Variants in NEB observed in about 807,000 individuals in gnomAD.
NEB encodes the protein nemaline myopathy type 2.
NEB carries 512 observed loss-of-function variants against 952.2 expected under a neutral mutation model. That is an observed-to-expected ratio of 0.54 (90% CI 0.50 to 0.58). NEB has a LOEUF of 0.58. Ranked by LOEUF, NEB falls within the 20% of genes least tolerant of loss-of-function variation. The probability of loss-of-function intolerance (pLI) is 0.00; values close to 1 mark genes in which losing one functional copy is unlikely to be tolerated. For synonymous variants in NEB, 2,900 were observed against 3,149.8 expected (o/e 0.92, Z 2.66); for missense variants, 8,428 against 9,231.1 (o/e 0.91, Z 3.56).
At chr2:151,696,791 G>A (rs2149338483) in intron 16 of NEB, 56 bp from the exon 17 acceptor site, 1 of 1,320,052 alleles carries the variant, frequency 7.6e-7, no homozygotes, top group Middle Eastern at 1.8e-4. Flanking sequence ...ATCCAAGGTG[G>A]CCCACAGGCC....
Position 151,505,500 on chromosome 2 carries a change from T to C in NEB, c.23720A>G (p.Glu7907Gly). Residue 7907 changes from glutamate (E) to glycine (G), a missense_variant, in exon 165 of 182, where the codon GAG becomes GGG. By Grantham distance (98) the Glu-to-Gly change is moderately conservative (BLOSUM62 -2). This residue lies in a region of NEB where 3,374 missense variants were observed against 3,651.5 expected (regional missense o/e 0.92). Transcript: ENST00000397345. ...TACCGAGCTAATGTGCTTCTGCGTC[T>C]CCTTCACACGTTTCACTTCAGGCAG... ...PDLPEVKRVKETQKHISSVMY... is the reference protein window; with the variant it reads ...PDLPEVKRVKGTQKHISSVMY... 6.2e-7 allele frequency: 1 copy of C among 1,613,846 alleles called. No individual in the cohort carries two copies. The highest frequency in any genetic ancestry group is 1.1e-5 in the South Asian group (1 of 91,066).
intron 16 of NEB, 135 bp from the exon 17 acceptor site, chr2:151,696,870 C>G: frequency 5.9e-6 from 4 of 682,830 alleles, no homozygotes; most frequent in Non-Finnish European, 9.9e-6. Flanking sequence ...TTTTTTCTAA[C>G]TAGACTGTAG....
At position 151,503,331 on chromosome 2, in the gene NEB, T is replaced by C. The variant is rs1336763386; in HGVS notation, c.23835+18A>G. On this transcript the variant is annotated intron_variant, in intron 166 of 181. Transcript: ENST00000397345. Reference sequence around the variant, plus strand: ...TTTTTATGGGAAATAGTTTCTTATATGATATATTTGTAAATACCGAGCTAA... The same window carrying C: ...TTTTTATGGGAAATAGTTTCTTATACGATATATTTGTAAATACCGAGCTAA... 6.5e-7 allele frequency: 1 copy of C among 1,544,726 alleles called. No homozygotes were observed. Among genetic ancestry groups the C allele is most frequent in the African/African-American group, 1.4e-5 (1 of 73,430 alleles).
At chr2:151,542,560 G>A (rs2094203035) in intron 135 of NEB, among the ~76,000 whole-genome samples, 1 of 152,006 alleles carries the variant, frequency 6.6e-6, no homozygotes, top group African/African-American at 2.4e-5. Flanking sequence ...GAAACTTGGG[G>A]GAGTCATCCT....
chr2:151,562,463 C>A (rs1354106023), intron 120 of NEB, 148 bp downstream of exon 120: 11 of 790,372 alleles, frequency 1.4e-5, no homozygotes, highest in Non-Finnish European at 2.0e-5. Context: ...ATTCTTATAC[C>A]AAAAAGTGGC....
chr2:151,615,827 G>C lies in NEB; in HGVS notation c.11289+175C>G. 6.9e-6 allele frequency: 4 copies of C among 577,844 alleles called. No homozygotes were observed. In the East Asian group the frequency reaches 1.2e-4, roughly 17 times the overall value. 35.8% of individuals were successfully genotyped at this position (577,844 alleles called of 1,614,324 possible). On this transcript the variant is annotated intron_variant, in intron 76 of 181. Transcript: ENST00000397345. ...GTTTTGATTGATTGATGGGTATAAT[G>C]GGTCTAGAATTTTGTGCTTTTCTTT... is the stretch of plus-strand genomic sequence containing the variant.
At position 151,627,561 on chromosome 2, in the gene NEB, C is replaced by T; in HGVS notation, c.10105G>A (p.Val3369Ile). The T allele has an allele frequency of 6.2e-7, 1 of 1,614,006 alleles. No homozygotes were observed. The highest frequency in any genetic ancestry group is 8.5e-7 in the Non-Finnish European group (1 of 1,179,872). ...TCATAGGCCTGCCGAGCATGGATGA[C>T]ATCATTCTGGTCGGGCAGGCACGTC... The part of the protein sequence containing the change: ...EWTCLPDQND[V>I]IHARQAYDLQ... Residue 3369 changes from valine (V) to isoleucine (I), a missense_variant, in exon 69 of 182, where the codon GTC becomes ATC. By Grantham distance (29) the Val-to-Ile change is conservative. Around this residue, in one of 11 missense-constraint regions of NEB, gnomAD observed 1,772 missense variants for 1,960.3 expected, o/e 0.90. Transcript: ENST00000397345.
chr2:151,512,002 T>C (rs1236160294), intron 161 of NEB, among the ~76,000 whole-genome samples: 1 of 149,290 alleles, frequency 6.7e-6, no homozygotes, highest in Non-Finnish European at 1.5e-5. Context: ...TCCTGCATCA[T>C]AGGTTACCCT....
chr2:151,633,489 G>A (rs1175238210), intron 65 of NEB, among the ~76,000 whole-genome samples, 165 bp downstream of exon 65: 2 of 152,086 alleles, frequency 1.3e-5, no homozygotes, highest in Non-Finnish European at 2.9e-5. Context: ...TTCTTATGAA[G>A]TCTATTAGTG....
intron 157 of NEB, 33 bp from the exon 158 acceptor site, chr2:151,514,961 A>C: frequency 7.1e-7 from 1 of 1,401,512 alleles, no homozygotes; most frequent in Non-Finnish European, 9.8e-7. Context: ...ACAAGTTAAA[A>C]AAAAATCTTT....
chr2:151,574,595 C>CT (rs1185097577), intron 107 of NEB, among the ~76,000 whole-genome samples: 2 of 152,192 alleles, frequency 1.3e-5, no homozygotes, highest in African/African-American at 4.8e-5. Flanking sequence ...TATTAGGTCT[C>CT]TGACTATGGG....
rs2097758270 is a variant in NEB, at chr2:151,607,505, T to C, written c.12638A>G (p.Asn4213Ser). 1.9e-6 allele frequency: 1 copy of C among 515,696 alleles called. No individual in the cohort carries two copies. Among genetic ancestry groups the C allele is most frequent in the South Asian group, 1.8e-5 (1 of 55,876 alleles). 31.9% of individuals were successfully genotyped at this position (515,696 alleles called of 1,614,324 possible). The change falls in exon 83 of 182, where the codon AAT becomes AGT. Residue 4213 changes from asparagine (N) to serine (S), a missense_variant and splice_region_variant. Asn to Ser is a conservative substitution (Grantham distance 46). This residue lies in a region of NEB where 14 missense variants were observed against 46.4 expected (regional missense o/e 0.30). Transcript: ENST00000397345. ...ACACTTCATGTTCGTGCCACTTACATTGCTGATTTGCAAGGCATTGATGTG... is the reference window on the plus strand; with the variant it reads ...ACACTTCATGTTCGTGCCACTTACACTGCTGATTTGCAAGGCATTGATGTG... Reference protein sequence around the residue: ...QAHINALQISNKLYQKDWNDA... With the variant: ...QAHINALQISSKLYQKDWNDA...
chr2:151,723,509 G>C (rs750353626), intron 8 of NEB, 23 bp from the exon 9 acceptor site: 2 of 1,541,158 alleles, frequency 1.3e-6, no homozygotes, highest in South Asian at 2.3e-5. Context: ...AGAGTGAAAA[G>C]TTAGGAGGAA....
chr2:151,729,204 T>C (rs904073370), intron 4 of NEB, among the ~76,000 whole-genome samples: 10 of 152,178 alleles, frequency 6.6e-5, no homozygotes, highest in African/African-American at 2.4e-4. Context: ...GTGGCAGAGA[T>C]GGTGTCCTAC....
At chr2:151,642,058 G>A (rs1054591488) in intron 60 of NEB, among the ~76,000 whole-genome samples, 10 of 152,266 alleles carry the variant, frequency 6.6e-5, no homozygotes, top group African/African-American at 1.9e-4. Context: ...GTGAGAACAT[G>A]CAGTGTTTGA....
Position 151,546,001 on chromosome 2 carries a change from TAAAAAAAA to T in NEB, c.20467-11_20467-4del. 1 of 948,532 alleles carries T rather than the reference TAAAAAAAA, an allele frequency of 1.1e-6. No individual in the cohort carries two copies. Among genetic ancestry groups the T allele is most frequent in the African/African-American group, 1.8e-5 (1 of 57,092 alleles). The allele number at this position is 948,532 out of a possible 1,614,324, so 58.8% of individuals were successfully genotyped here. On this transcript the variant is annotated splice_polypyrimidine_tract_variant and splice_region_variant and intron_variant, in intron 134 of 181. Transcript: ENST00000397345. The stretch of plus-strand genomic sequence containing the variant: ...TTATCAGTGTATAGGTAATTAGACT[TAAAAAAAA>T]AAAAAAAAACAGAAATACAAGTTGA...
Position 151,694,190 on chromosome 2 carries a change from G to C in NEB, c.1896+133C>G, listed in dbSNP as rs1187345873. 8 of 792,318 alleles carry C rather than the reference G, an allele frequency of 1.0e-5. No individual in the cohort carries two copies. In the Admixed American group the frequency reaches 1.8e-4, roughly 18 times the overall value. 49.1% of individuals were successfully genotyped at this position (792,318 alleles called of 1,614,324 possible). ...GGAAGTTCATCTTCCTTTAGCACCT[G>C]GGTGAAGCTTTCATGTGTGATTTGT... On this transcript the variant is annotated intron_variant, in intron 20 of 181. Coordinates refer to ENST00000397345, the MANE Select transcript of NEB (RefSeq NM_001164508.2).
chr2:151,530,990 T>C lies in NEB; in HGVS notation c.21630+4A>G. On this transcript the variant is annotated splice_donor_region_variant and intron_variant, in intron 145 of 181. Transcript: ENST00000397345. ...AGGGACTGCTAAACCATTCTAGTAC[T>C]TACATCACTGACTTCATCTTTAACC... The C allele has an allele frequency of 6.3e-7, 1 of 1,599,530 alleles. No homozygotes were observed. Among genetic ancestry groups the C allele is most frequent in the African/African-American group, 1.3e-5 (1 of 74,804 alleles).
intron 38 of NEB, 53 bp from the exon 39 acceptor site, chr2:151,669,184 T>G (rs2099255863): frequency 7.8e-7 from 1 of 1,275,450 alleles, no homozygotes; most frequent in African/African-American, 1.5e-5. Context: ...TAATATAAAT[T>G]TCATCAAGCA....
Sources: allele counts gnomAD v4.1 joint callset (sites outside exome capture counted in the v4.1 genomes callset), GRCh38; gene constraint gnomAD v4.1.1; regional missense constraint gnomAD v4.1.1; transcripts MANE v1.5; gene names NCBI Gene and HGNC (gene_info 2026-07-23, HGNC 2026-07-21).